The following PLCH2 variants were observed in gnomAD, a reference collection of about 807,000 sequenced individuals.
PLCH2 encodes 1-phosphatidylinositol 4,5-bisphosphate phosphodiesterase eta-2.
A neutral mutation model predicts 134.7 loss-of-function variants in PLCH2; 98 were observed. The observed-to-expected ratio is 0.73, with a 90% CI of 0.62 to 0.86. PLCH2 has a LOEUF of 0.86. Among genes scored for constraint, PLCH2 ranks in the 40% least tolerant of loss-of-function variants. PLCH2 has a pLI of 0.00. For missense variants in PLCH2, 1,994 were observed against 1,986.6 expected (o/e 1.00, Z -0.07); for synonymous variants, 974 against 827.5 (o/e 1.18, Z -3.04).
At chr1:2,482,331 C>A (rs1293700557) in intron 4 of PLCH2, among the ~76,000 whole-genome samples, 1 of 152,200 alleles carries the variant, frequency 6.6e-6, no homozygotes, top group Non-Finnish European at 1.5e-5. Flanking sequence ...GTCCCATGGC[C>A]CCTGGGAGGG....
At chr1:2,492,454 G>A (rs930165985) in intron 11 of PLCH2, 1 of 152,242 alleles carries the variant, frequency 6.6e-6, no homozygotes, top group Non-Finnish European at 1.5e-5. Flanking sequence ...CAGGAGAGTG[G>A]TCCCCTGCAG....
rs1293911758 is a variant in PLCH2, at chr1:2,505,447, C to T, written c.*234C>T. The T allele has an allele frequency of 1.8e-5, 10 of 568,296 alleles. No individual in the cohort carries two copies. The highest frequency in any genetic ancestry group is 3.1e-5 in the Non-Finnish European group (10 of 323,038). The allele number at this position is 568,296 out of a possible 1,614,324, so 35.2% of individuals were successfully genotyped here. On this transcript the variant is annotated 3_prime_UTR_variant, in exon 22 of 22. Coordinates refer to ENST00000378486, the MANE Select transcript of PLCH2 (RefSeq NM_014638.4). The stretch of plus-strand genomic sequence containing the variant: ...TGGCCCTGCCAGGCAGTTTTCCCGG[C>T]GTTTTAGGATCTGTACATAGAGAAA...
intron 2 of PLCH2, among the ~76,000 whole-genome samples, chr1:2,433,823 G>A (rs1349235275): frequency 6.6e-6 from 1 of 152,214 alleles, no homozygotes; most frequent in African/African-American, 2.4e-5. Context: ...GCCCCTGCCG[G>A]CTCCCCAAAC....
At chr1:2,451,015 C>G (rs1001331043) in intron 2 of PLCH2, among the ~76,000 whole-genome samples, 29 of 152,104 alleles carry the variant, frequency 1.9e-4, no homozygotes, top group African/African-American at 6.7e-4. Context: ...GATGTCGGCT[C>G]CCAGGACACA....
chr1:2,443,528 G>C (rs897788337), intron 2 of PLCH2, among the ~76,000 whole-genome samples: 3 of 152,130 alleles, frequency 2.0e-5, no homozygotes, highest in East Asian at 1.9e-4. Context: ...TGTGGGGAGC[G>C]GAAGGCCGCA....
intron 21 of PLCH2, 113 bp downstream of exon 21, chr1:2,502,522 G>A: frequency 2.6e-6 from 3 of 1,133,140 alleles, no homozygotes; most frequent in Non-Finnish European, 3.9e-6. Context: ...AGTGTGTGGT[G>A]GGATCCTGCG....
At chr1:2,445,241 G>A (rs1032346588) in intron 2 of PLCH2, among the ~76,000 whole-genome samples, 7 of 152,126 alleles carry the variant, frequency 4.6e-5, no homozygotes, top group Admixed American at 1.3e-4. Context: ...GGTCCCCACA[G>A]GCCCCTTCCC....
rs1240865998 is a variant in PLCH2 at position 2,448,806 on chromosome 1, G to A, written c.115+18177G>A. The stretch of plus-strand genomic sequence containing the variant: ...GGGTCCTGGCTCCACAGGTGACCAA[G>A]AGGGGTACTGGAGGCCTGGACGGGC... On this transcript the variant is annotated intron_variant, in intron 2 of 3. Coordinates refer to the PLCH2 transcript ENST00000609981. This position sits in a 1 kb window ranked among gnomAD's most constrained non-coding sequence, Gnocchi z 4.0. Among the ~76,000 whole-genome samples the A allele has an allele frequency of 6.6e-6, 1 of 152,282 alleles. No homozygotes were observed. Among genetic ancestry groups the A allele is most frequent in the South Asian group, 2.1e-4 (1 of 4,816 alleles).
At chr1:2,433,958 A>G (rs1240881118) in intron 2 of PLCH2, among the ~76,000 whole-genome samples, 1 of 149,698 alleles carries the variant, frequency 6.7e-6, no homozygotes, top group Non-Finnish European at 1.5e-5. Flanking sequence ...TGTCTGCCTC[A>G]TGCTCCGAAG....
chr1:2,432,500 C>T (rs928598608), intron 2 of PLCH2, among the ~76,000 whole-genome samples: 1 of 152,224 alleles, frequency 6.6e-6, no homozygotes, highest in African/African-American at 2.4e-5. Flanking sequence ...TTTAGAGCAG[C>T]TTGATCCAGC....
At chr1:2,456,045 A>G (rs1206342429) in intron 2 of PLCH2, among the ~76,000 whole-genome samples, 3 of 152,232 alleles carry the variant, frequency 2.0e-5, no homozygotes, top group Non-Finnish European at 4.4e-5. Flanking sequence ...CAATATTGCA[A>G]TTATTAGATT....
Position 2,498,695 on chromosome 1 carries a change from G to GGGC in PLCH2, c.2349+48_2350-48insGGC. ...CGGGAGGGGTGGGAGTTGGGGGCGG[G>GGGC]CCGGGCATCGCGATGGGCCCTGATG... is the stretch of plus-strand genomic sequence containing the variant. On this transcript the variant is annotated intron_variant, in intron 17 of 21. Transcript: ENST00000378486. The surrounding 1 kb of genome is among the most constrained non-coding windows in gnomAD (Gnocchi z 5.4). 2 of 1,218,668 alleles carry GGGC rather than the reference G, an allele frequency of 1.6e-6. No individual in the cohort carries two copies. Among genetic ancestry groups the GGGC allele is most frequent in the Non-Finnish European group, 2.4e-6 (2 of 848,712 alleles). The allele number at this position is 1,218,668 out of a possible 1,614,324, so 75.5% of individuals were successfully genotyped here.
At chr1:2,455,843 C>T (rs1276456628) in intron 2 of PLCH2, among the ~76,000 whole-genome samples, 9 of 152,194 alleles carry the variant, frequency 5.9e-5, no homozygotes, top group Admixed American at 4.6e-4. Context: ...CCCCGGTCTT[C>T]ACCCTCCATA....
At chr1:2,456,393 T>G (rs2100571836) in intron 2 of PLCH2, among the ~76,000 whole-genome samples, 1 of 152,252 alleles carries the variant, frequency 6.6e-6, no homozygotes. Flanking sequence ...GGGGGGCGGG[T>G]GGCGCTCTAG....
chr1:2,428,286 C>T (rs527453796), intron 1 of PLCH2, among the ~76,000 whole-genome samples: 160 of 152,264 alleles, frequency 1.1e-3, no homozygotes, highest in Non-Finnish European at 1.7e-3. Flanking sequence ...ATGGCCAGGG[C>T]GGGGAGCAGC....
In PLCH2 at chr1:2,479,334, TG is replaced by T. The variant is rs545864923; in HGVS notation, c.272-395del. On this transcript the variant is annotated intron_variant, in intron 2 of 21. Transcript: ENST00000378486. The stretch of plus-strand genomic sequence containing the variant: ...GCCTCGATGCACCTGAGCGCGGAGC[TG>T]GGGGTCCCTGGAGCCGCTGTCCCCA... The T allele has an allele frequency of 4.3e-3, 776 of 180,432 alleles. 1 individual carries two copies. The highest frequency in any genetic ancestry group is 5.9e-3 in the Non-Finnish European group (496 of 84,270). 11.2% of individuals were successfully genotyped at this position (180,432 alleles called of 1,614,324 possible). A position where few individuals can be genotyped will look rare whatever the true frequency, so the allele number is the denominator to read the frequency against.
Position 2,498,902 on chromosome 1 carries a change from C to A in PLCH2, c.2434+74C>A. 3 of 1,372,828 alleles carry A rather than the reference C, an allele frequency of 2.2e-6. No individual in the cohort carries two copies. Among genetic ancestry groups the A allele is most frequent in the Non-Finnish European group, 3.0e-6 (3 of 984,296 alleles). 85.0% of individuals were successfully genotyped at this position (1,372,828 alleles called of 1,614,324 possible). ...GGGAGGGTTGGGGCTACCTGGTGTG[C>A]CCGGGTGCCCTGCCCAGGCCTCCCT... On this transcript the variant is annotated intron_variant, in intron 18 of 21. Transcript: ENST00000378486. This position sits in a 1 kb window ranked among gnomAD's most constrained non-coding sequence, Gnocchi z 5.4.
At chr1:2,494,761 C>T (rs1642783440) in intron 11 of PLCH2, 95 bp from the exon 12 acceptor site, 2 of 825,346 alleles carry the variant, frequency 2.4e-6, no homozygotes, top group East Asian at 2.7e-5. Flanking sequence ...CCACCTCTTC[C>T]AGGAAGGCCT....
upstream of PLCH2, among the ~76,000 whole-genome samples, chr1:2,475,736 G>A (rs956669539): frequency 6.6e-6 from 1 of 152,240 alleles, no homozygotes. Context: ...GTCAGGCTGG[G>A]GCTGCAGCTG....
Sources: allele counts gnomAD v4.1 joint callset (sites outside exome capture counted in the v4.1 genomes callset), GRCh38; gene constraint gnomAD v4.1.1; non-coding constraint Gnocchi (gnomAD v3.1); transcripts MANE v1.5; gene names NCBI Gene and HGNC (gene_info 2026-07-23, HGNC 2026-07-21).